TRIO: variants seen among roughly 807,000 people sequenced by gnomAD.
TRIO encodes the protein triple functional domain protein.
TRIO carries 58 observed loss-of-function variants against 351.9 expected under a neutral mutation model. The observed-to-expected ratio is 0.16, with a 90% confidence interval of 0.13 to 0.21. The LOEUF (loss-of-function observed/expected upper bound fraction) is 0.21. Ranked by LOEUF, TRIO falls within the 10% of genes least tolerant of loss-of-function variation. TRIO has a pLI of 1.00. For missense variants in TRIO, 3,201 were observed against 4,027.8 expected (o/e 0.79, Z 5.56); for synonymous variants, 1,758 against 1,595.7 (o/e 1.10, Z -2.42).
rs545475919 is a variant in TRIO at position 14,449,569 on chromosome 5, C to T, written c.5204-11450C>T. ...TATAGGCTCATCTTTTCCTGGAAGCCAACAGCCTAGTGATCAACTGTCCAC... is the reference window on the plus strand; with the variant it reads ...TATAGGCTCATCTTTTCCTGGAAGCTAACAGCCTAGTGATCAACTGTCCAC... On this transcript the variant is annotated intron_variant, in intron 34 of 56. Transcript: ENST00000344204. Among the ~76,000 whole-genome samples, 9 of 152,266 alleles carry T rather than the reference C, an allele frequency of 5.9e-5. No homozygotes were observed. In the South Asian group the frequency reaches 1.9e-3, roughly 32 times the overall value.
At chr5:14,469,319 TATAAG>T (rs1189985178) in intron 37 of TRIO, among the ~76,000 whole-genome samples, 33 of 152,186 alleles carry the variant, frequency 2.2e-4, no homozygotes, top group South Asian at 1.2e-3. Flanking sequence ...ATTAAGAAAT[TATAAG>T]AGAGGAAAAA....
intron 1 of TRIO, among the ~76,000 whole-genome samples, chr5:14,214,821 A>G (rs1200944194): frequency 2.0e-5 from 3 of 152,208 alleles, no homozygotes; most frequent in Non-Finnish European, 4.4e-5. Context: ...TTTCTGACAA[A>G]GGTGAAATAA....
At chr5:14,250,751 G>T (rs1231332447) in intron 1 of TRIO, among the ~76,000 whole-genome samples, 1 of 152,136 alleles carries the variant, frequency 6.6e-6, no homozygotes, top group Non-Finnish European at 1.5e-5. Flanking sequence ...TTTTTTGGTT[G>T]TGCCTTTCTC....
In TRIO at chr5:14,373,061, G is replaced by C. The variant is rs149372762; in HGVS notation, c.3217-1168G>C. On this transcript the variant is annotated intron_variant, in intron 18 of 56. Coordinates refer to ENST00000344204, the MANE Select transcript of TRIO (RefSeq NM_007118.4). ...GAAGAATGAGAGAAGTACAGGGTGA[G>C]GCAGGGAAAAGCCCCTCACAAAACC... Among the ~76,000 whole-genome samples, 190 of 152,070 alleles carry C rather than the reference G, an allele frequency of 1.2e-3. No homozygotes were observed. The Middle Eastern group carries it at 0.014, about 11-fold the overall frequency.
chr5:14,503,052 T>C (rs1757406914), intron 54 of TRIO, among the ~76,000 whole-genome samples: 1 of 152,232 alleles, frequency 6.6e-6, no homozygotes, highest in Non-Finnish European at 1.5e-5. Context: ...ACAGTAAAAT[T>C]AGATGCACAA....
At chr5:14,221,757 G>T (rs1561218386) in intron 1 of TRIO, among the ~76,000 whole-genome samples, 2 of 152,046 alleles carry the variant, frequency 1.3e-5, no homozygotes, top group African/African-American at 2.4e-5. Context: ...AAAGAAAGTG[G>T]TTTTTTGAGA....
chr5:14,315,235 CCCTGAACTTGCT>C (rs2152304685), intron 8 of TRIO, among the ~76,000 whole-genome samples: 1 of 151,848 alleles, frequency 6.6e-6, no homozygotes, highest in South Asian at 2.1e-4. Context: ...TTAAAAGTGC[CCCTGAACTTGCT>C]CCTCTTTTTT....
chr5:14,272,163 C>A (rs911223136), intron 2 of TRIO, among the ~76,000 whole-genome samples: 1 of 152,204 alleles, frequency 6.6e-6, no homozygotes, highest in Non-Finnish European at 1.5e-5. Flanking sequence ...GCTTTGCGAA[C>A]CCCTGATTTT....
intron 43 of TRIO, 116 bp from the exon 44 acceptor site, chr5:14,481,118 G>T: frequency 9.3e-7 from 1 of 1,073,022 alleles, no homozygotes; most frequent in Non-Finnish European, 1.3e-6. Flanking sequence ...TTGAGGCCAG[G>T]AGTTCAAGAC....
chr5:14,444,291 A>G (rs1041630147), intron 34 of TRIO, among the ~76,000 whole-genome samples: 1 of 152,262 alleles, frequency 6.6e-6, no homozygotes, highest in Non-Finnish European at 1.5e-5. Context: ...TACATGGAAT[A>G]TTCAGTTTCA....
intron 1 of TRIO, among the ~76,000 whole-genome samples, chr5:14,180,388 A>G (rs1172691711): frequency 2.0e-5 from 3 of 152,226 alleles, no homozygotes; most frequent in Non-Finnish European, 4.4e-5. Context: ...GAGACTTAGT[A>G]TTGTTTGAAA....
At chr5:14,179,894 C>A (rs1308498047) in intron 1 of TRIO, among the ~76,000 whole-genome samples, 1 of 151,810 alleles carries the variant, frequency 6.6e-6, no homozygotes, top group South Asian at 2.1e-4. Flanking sequence ...GAGTTTGAGA[C>A]CAGCCTGGCC....
At chr5:14,268,716 T>C (rs577543812) in intron 1 of TRIO, among the ~76,000 whole-genome samples, 32 of 152,354 alleles carry the variant, frequency 2.1e-4, no homozygotes, top group African/African-American at 7.7e-4. Context: ...CTGGGTCCCA[T>C]AGCACTTCGT....
At chr5:14,317,410 G>A (rs1482233698) in intron 9 of TRIO, among the ~76,000 whole-genome samples, 1 of 152,182 alleles carries the variant, frequency 6.6e-6, no homozygotes, top group East Asian at 1.9e-4. Context: ...AAAGACAAGG[G>A]AATGAATGAG....
chr5:14,467,621 G>A (rs747534911), intron 37 of TRIO, among the ~76,000 whole-genome samples: 2 of 152,066 alleles, frequency 1.3e-5, no homozygotes, highest in Non-Finnish European at 2.9e-5. Flanking sequence ...TTCGAGACCA[G>A]CCTGGGAAAC....
rs1366311713 is a variant in TRIO at position 14,498,662 on chromosome 5, TTC to T, written c.8332+24_8332+25del. The T allele has an allele frequency of 3.1e-6, 5 of 1,608,396 alleles. No homozygotes were observed. In the African/African-American group the frequency reaches 5.3e-5, roughly 17 times the overall value. On this transcript the variant is annotated intron_variant, in intron 53 of 56. Transcript: ENST00000344204. ...CTAGGTAAGCACCGTGCAACGAGGA[TTC>T]TACGTGACCCAGTGGGGCACGTCTT...
chr5:14,405,088 T>TAA (rs3214756), intron 31 of TRIO, among the ~76,000 whole-genome samples: 3 of 138,090 alleles, frequency 2.2e-5, no homozygotes, highest in African/African-American at 8.0e-5. Flanking sequence ...GAGGCAGAGT[T>TAA]AAAAAAAAAA....
chr5:14,488,927 T>G (rs765143692), intron 48 of TRIO: 3 of 762,732 alleles, frequency 3.9e-6, no homozygotes, highest in Admixed American at 1.7e-5. Flanking sequence ...CTGGCCTCGT[T>G]TGGCCCATCA....
chr5:14,182,475 C>T (rs891199742), intron 1 of TRIO, among the ~76,000 whole-genome samples: 1 of 152,188 alleles, frequency 6.6e-6, no homozygotes, highest in African/African-American at 2.4e-5. Context: ...AAATACAATG[C>T]AAGTTTCTTC....
Sources: gnomAD v4.1 joint callset for allele counts (sites outside exome capture counted in the v4.1 genomes callset) on GRCh38, gnomAD v4.1.1 for gene constraint, MANE v1.5 for transcripts, NCBI Gene and HGNC (gene_info 2026-07-23, HGNC 2026-07-21) for gene names.